The following CNTNAP2 variants were observed in gnomAD, a reference collection of about 807,000 sequenced individuals.
CNTNAP2 encodes contactin-associated protein-like 2.
In CNTNAP2, 98 loss-of-function variants were observed where a neutral mutation model predicts 155.2. The observed-to-expected ratio is 0.63, with a 90% CI of 0.54 to 0.75. CNTNAP2 has a LOEUF of 0.75. CNTNAP2 is among the 30% of genes least tolerant of loss of function. The pLI is 0.00. For synonymous variants in CNTNAP2, 651 were observed against 631.2 expected (o/e 1.03, Z -0.47); for missense variants, 1,727 against 1,688.1 (o/e 1.02, Z -0.40).
At chr7:148,346,204 C>A (rs1266293471) in intron 21 of CNTNAP2, among the ~76,000 whole-genome samples, 2 of 152,062 alleles carry the variant, frequency 1.3e-5, no homozygotes, top group African/African-American at 4.8e-5. Context: ...CATCTTACTT[C>A]AAAAAATGGG....
At chr7:147,855,499 A>T (rs375916672) in intron 13 of CNTNAP2, among the ~76,000 whole-genome samples, 4 of 152,060 alleles carry the variant, frequency 2.6e-5, no homozygotes, top group African/African-American at 9.7e-5. Flanking sequence ...TTAAAATTAC[A>T]GTGTAGGCTC....
At chr7:148,295,187 C>T (rs1187242779) in intron 21 of CNTNAP2, among the ~76,000 whole-genome samples, 2 of 151,946 alleles carry the variant, frequency 1.3e-5, no homozygotes, top group Non-Finnish European at 2.9e-5. Context: ...TGTGATGATC[C>T]ACTTATAAAA....
intron 1 of CNTNAP2, among the ~76,000 whole-genome samples, chr7:146,759,422 C>A (rs897372038): frequency 1.3e-5 from 2 of 151,922 alleles, no homozygotes; most frequent in Admixed American, 6.6e-5. Context: ...AGGCCGGGCA[C>A]GGTGGCTCAC....
intron 11 of CNTNAP2, among the ~76,000 whole-genome samples, chr7:147,509,154 G>T (rs1020479730): frequency 3.9e-5 from 6 of 152,054 alleles, no homozygotes; most frequent in Admixed American, 6.5e-5. Flanking sequence ...TCATTGGCAT[G>T]TTCTTCATTA....
intron 9 of CNTNAP2, among the ~76,000 whole-genome samples, chr7:147,328,781 C>G (rs1333559842): frequency 1.3e-5 from 2 of 152,048 alleles, no homozygotes; most frequent in Admixed American, 6.6e-5. Flanking sequence ...CTATAATAAA[C>G]CAGCCTGCAG....
intron 3 of CNTNAP2, among the ~76,000 whole-genome samples, chr7:147,013,424 T>C (rs930778686): frequency 2.0e-5 from 3 of 152,114 alleles, no homozygotes; most frequent in Non-Finnish European, 4.4e-5. Context: ...TTTATTTATG[T>C]TTTTCTTACA....
intron 13 of CNTNAP2, among the ~76,000 whole-genome samples, chr7:147,789,785 G>T (rs1456020936): frequency 6.6e-6 from 1 of 152,180 alleles, no homozygotes; most frequent in Non-Finnish European, 1.5e-5. Flanking sequence ...CATGCTGGAT[G>T]CTTCCTGCCC....
At chr7:146,875,505 C>T (rs553458430) in intron 3 of CNTNAP2, among the ~76,000 whole-genome samples, 13 of 152,192 alleles carry the variant, frequency 8.5e-5, no homozygotes, top group African/African-American at 2.4e-4. Context: ...AGTTTTAAAA[C>T]ACGAAACTGT....
chr7:146,736,901 G>T (rs541354700), intron 1 of CNTNAP2, among the ~76,000 whole-genome samples: 1 of 152,112 alleles, frequency 6.6e-6, no homozygotes, highest in South Asian at 2.1e-4. Context: ...ATCTATTAGA[G>T]ATATATAATT....
chr7:146,628,648 AACTATGAAC>A (rs1300869709), intron 1 of CNTNAP2, among the ~76,000 whole-genome samples: 2 of 152,092 alleles, frequency 1.3e-5, no homozygotes, highest in Non-Finnish European at 2.9e-5. Flanking sequence ...GAAAAAAGAA[AACTATGAAC>A]CCTTGAGCAC....
intron 15 of CNTNAP2, among the ~76,000 whole-genome samples, chr7:148,009,424 G>A (rs893904740): frequency 6.6e-6 from 1 of 152,152 alleles, no homozygotes; most frequent in Admixed American, 6.5e-5. Context: ...TTCATCTGTA[G>A]TGTTTTTGGA....
intron 1 of CNTNAP2, among the ~76,000 whole-genome samples, chr7:146,416,072 T>A (rs992336633): frequency 1.3e-5 from 2 of 151,932 alleles, no homozygotes; most frequent in Non-Finnish European, 2.9e-5. Flanking sequence ...ATTCCTTACA[T>A]TTCTATTTAT....
intron 1 of CNTNAP2, among the ~76,000 whole-genome samples, chr7:146,200,604 T>TTAC (rs1798845613): frequency 6.6e-6 from 1 of 152,142 alleles, no homozygotes; most frequent in Admixed American, 6.5e-5. Context: ...ACACTAATGC[T>TTAC]TACCATTGTG....
intron 14 of CNTNAP2, among the ~76,000 whole-genome samples, chr7:147,949,458 A>T (rs12703980): frequency 0.091 from 12,444 of 137,262 alleles, 895 homozygotes; most frequent in African/African-American, 0.19. Context: ...ATATATATAT[A>T]TTTTTTTTTT....
rs146274435 is a variant in CNTNAP2 at position 147,713,152 on chromosome 7, T to A, written c.2098+73846T>A. On this transcript the variant is annotated intron_variant, in intron 13 of 23. Transcript: ENST00000361727. Reference sequence around the variant, plus strand: ...ATTTACTTTGAGGCTGCATCCCATTTTTTTCTTTTGTGTTTTTTTAATTGA... The same window carrying A: ...ATTTACTTTGAGGCTGCATCCCATTATTTTCTTTTGTGTTTTTTTAATTGA... Among the ~76,000 whole-genome samples the A allele has an allele frequency of 2.0e-5, 3 of 152,220 alleles. No individual in the cohort carries two copies. In the East Asian group the frequency reaches 5.8e-4, roughly 29 times the overall value.
At chr7:146,167,236 A>G (rs28703019) in intron 1 of CNTNAP2, among the ~76,000 whole-genome samples, 4 of 152,234 alleles carry the variant, frequency 2.6e-5, no homozygotes, top group Non-Finnish European at 5.9e-5. Flanking sequence ...AATTACTTAT[A>G]CATTAAACAT....
At chr7:146,497,811 T>G (rs372228655) in intron 1 of CNTNAP2, among the ~76,000 whole-genome samples, 8 of 148,774 alleles carry the variant, frequency 5.4e-5, no homozygotes, top group East Asian at 1.9e-4. Flanking sequence ...TATATATACA[T>G]TATATGTATG....
intron 9 of CNTNAP2, among the ~76,000 whole-genome samples, chr7:147,341,219 A>G (rs1335904175): frequency 6.6e-6 from 1 of 152,056 alleles, no homozygotes; most frequent in Non-Finnish European, 1.5e-5. Flanking sequence ...GTTCTCACTC[A>G]TAAGTGAGAG....
chr7:147,404,911 T>G (rs964258246), intron 10 of CNTNAP2, among the ~76,000 whole-genome samples: 1 of 152,038 alleles, frequency 6.6e-6, no homozygotes, highest in Non-Finnish European at 1.5e-5. Context: ...TATTCTTTTT[T>G]AAAAAAAGGT....
Sources: allele counts gnomAD v4.1 joint callset (sites outside exome capture counted in the v4.1 genomes callset), GRCh38; gene constraint gnomAD v4.1.1; transcripts MANE v1.5; gene names NCBI Gene and HGNC (gene_info 2026-07-23, HGNC 2026-07-21).